The following SYNE2 variants were observed in gnomAD, a reference collection of about 807,000 sequenced individuals.
The protein encoded by SYNE2 is spectrin repeat containing nuclear envelope protein 2.
SYNE2 carries 431 observed loss-of-function variants against 856.3 expected under a neutral mutation model. The observed-to-expected ratio is 0.50, with a 90% CI of 0.47 to 0.55. SYNE2 has a LOEUF of 0.55. Among genes scored for constraint, SYNE2 ranks in the 20% least tolerant of loss-of-function variants. The pLI, the probability that SYNE2 is intolerant of heterozygous loss-of-function variation, is 0.00. For missense variants in SYNE2, 8,129 were observed against 8,023.2 expected (o/e 1.01, Z -0.50); for synonymous variants, 2,923 against 2,872.3 (o/e 1.02, Z -0.56).
At position 64,002,786 on chromosome 14, in the gene SYNE2, G is replaced by A. The variant is rs773830239; in HGVS notation, c.3853G>A (p.Val1285Ile). 6.3e-7 allele frequency: 1 copy of A among 1,598,620 alleles called. No individual in the cohort carries two copies. The highest frequency in any genetic ancestry group is 1.1e-5 in the South Asian group (1 of 90,368). Reference sequence around the variant, plus strand: ...CCGCTTAGAAGAGCCAGGCAACTTTGTATTAAAGGAGTTACACCCATTTGA... The same window carrying A: ...CCGCTTAGAAGAGCCAGGCAACTTTATATTAAAGGAGTTACACCCATTTGA... ...CNRLEEPGNF[V>I]LKELHPFDLH... The change falls in exon 30 of 116, where the codon GTA becomes ATA. Residue 1285 changes from valine to isoleucine, a missense_variant. Physicochemically the swap from Val to Ile is conservative, Grantham distance 29. This residue lies in a region of SYNE2 where 2,422 missense variants were observed against 2,357.4 expected (regional missense o/e 1.03). Coordinates refer to ENST00000555002, the MANE Select transcript of SYNE2 (RefSeq NM_182914.3).
chr14:64,031,197 A>T lies in SYNE2; in HGVS notation c.7061A>T (p.Glu2354Val). Residue 2354 changes from glutamate to valine, a missense_variant, in exon 45 of 116, where the codon GAA becomes GTA. Glu to Val is a moderately radical substitution (Grantham distance 121). Transcript: ENST00000555002. ...NRLASAKQEM[E>V]CCLNSILKSK... ...CTTGCATCTGCTAAGCAGGAGATGG[A>T]ATGTTGTCTCAACAGCATTCTCAAA... is the stretch of plus-strand genomic sequence containing the variant. 1 of 1,614,232 alleles carries T rather than the reference A, an allele frequency of 6.2e-7. No individual in the cohort carries two copies. Among genetic ancestry groups the T allele is most frequent in the Non-Finnish European group, 8.5e-7 (1 of 1,180,040 alleles).
intron 1 of SYNE2, among the ~76,000 whole-genome samples, chr14:63,796,633 C>T (rs1411169808): frequency 6.6e-6 from 1 of 151,690 alleles, no homozygotes; most frequent in Admixed American, 6.6e-5. Flanking sequence ...CTTCTAGACA[C>T]AAATAAGGAA....
chr14:64,142,236 A>T, intron 82 of SYNE2, 148 bp downstream of exon 82: 1 of 934,460 alleles, frequency 1.1e-6, no homozygotes, highest in South Asian at 1.5e-5. Context: ...TTCTGGAGAG[A>T]TGTTAGTAGA....
In SYNE2 at chr14:64,098,122, A is replaced by G. The variant is rs1448274801; in HGVS notation, c.12282A>G (p.Ala4094=). ...TAACATCAGAGGAAGGTGGAGTGGC[A>G]GAGAGGGATGCTTCTGAGCGGAAGG... ...PAVTSEEGGV[A]ERDASERKLN... Residue 4094 remains alanine (A), a synonymous_variant, in exon 62 of 116, where the codon GCA becomes GCG. Coordinates refer to ENST00000555002, the MANE Select transcript of SYNE2 (RefSeq NM_182914.3). The G allele has an allele frequency of 6.2e-7, 1 of 1,614,120 alleles. No homozygotes were observed. Among genetic ancestry groups the G allele is most frequent in the South Asian group, 1.1e-5 (1 of 91,082 alleles).
At chr14:63,894,148 A>T (rs2140985512) in intron 1 of SYNE2, among the ~76,000 whole-genome samples, 1 of 152,038 alleles carries the variant, frequency 6.6e-6, no homozygotes, top group Non-Finnish European at 1.5e-5. Context: ...AGCTTTTTGA[A>T]GATGCATGTG....
At chr14:63,899,457 C>T (rs1259997139) in intron 1 of SYNE2, among the ~76,000 whole-genome samples, 7 of 152,200 alleles carry the variant, frequency 4.6e-5, no homozygotes, top group African/African-American at 9.6e-5. Flanking sequence ...CTGCCTTGGC[C>T]TCCCAAAGTG....
intron 1 of SYNE2, among the ~76,000 whole-genome samples, chr14:63,828,660 G>A (rs978969298): frequency 2.0e-5 from 3 of 152,038 alleles, no homozygotes; most frequent in African/African-American, 7.3e-5. Flanking sequence ...GAACTTGGGA[G>A]GCAGAGGTTG....
chr14:64,186,159 A>T (rs576048431), intron 96 of SYNE2, among the ~76,000 whole-genome samples: 140 of 152,356 alleles, frequency 9.2e-4, no homozygotes, highest in Admixed American at 1.6e-3. Context: ...TGACTTTAAA[A>T]TAGAATAAAT....
chr14:63,880,795 C>A (rs1489770544), intron 1 of SYNE2, among the ~76,000 whole-genome samples: 2 of 151,162 alleles, frequency 1.3e-5, no homozygotes, highest in African/African-American at 4.9e-5. Context: ...GGCTAAGCTT[C>A]CCAAGTAGTT....
At position 64,219,428 on chromosome 14, in the gene SYNE2, T is replaced by G; in HGVS notation, c.19860+18T>G. ...GACTGCAGGTGAGTTAGAGGTGTGG[T>G]GGGGAAGAGGGATTCAGAATGTGCA... On this transcript the variant is annotated intron_variant, in intron 110 of 115. Coordinates refer to ENST00000555002, the MANE Select transcript of SYNE2 (RefSeq NM_182914.3). The G allele has an allele frequency of 1.2e-6, 2 of 1,612,356 alleles. No individual in the cohort carries two copies. Among genetic ancestry groups the G allele is most frequent in the Non-Finnish European group, 1.7e-6 (2 of 1,178,618 alleles).
chr14:64,066,617 CCTGGTGAGGCCTGA>C (rs1309787325), intron 51 of SYNE2, among the ~76,000 whole-genome samples: 1 of 152,178 alleles, frequency 6.6e-6, no homozygotes, highest in Non-Finnish European at 1.5e-5. Context: ...TGTCAGTGGT[CCTGGTGAGGCCTGA>C]CTAGTGAATA....
chr14:64,138,382 C>G (rs2098113140), intron 79 of SYNE2, among the ~76,000 whole-genome samples: 1 of 152,010 alleles, frequency 6.6e-6, no homozygotes, highest in African/African-American at 2.4e-5. Context: ...CAGGCATAGG[C>G]CACCGTGCAT....
intron 1 of SYNE2, among the ~76,000 whole-genome samples, chr14:63,803,391 A>C (rs1420962763): frequency 1.3e-5 from 2 of 152,220 alleles, no homozygotes; most frequent in African/African-American, 4.8e-5. Flanking sequence ...GGCGGGCTGC[A>C]GGTCCCGAGC....
chr14:63,818,038 A>AAAAC (rs1889068256), intron 1 of SYNE2, among the ~76,000 whole-genome samples: 1 of 148,676 alleles, frequency 6.7e-6, no homozygotes, highest in Non-Finnish European at 1.5e-5. Flanking sequence ...AAAAAAAAAA[A>AAAAC]AAAAAAAACA....
At chr14:64,129,481 T>G (rs1008706479) in intron 74 of SYNE2, among the ~76,000 whole-genome samples, 2 of 152,314 alleles carry the variant, frequency 1.3e-5, no homozygotes, top group Non-Finnish European at 2.9e-5. Context: ...GATATGTGTA[T>G]ACCAATGTGA....
intron 61 of SYNE2, 57 bp from the exon 62 acceptor site, chr14:64,097,892 C>A: frequency 1.3e-6 from 2 of 1,562,008 alleles, no homozygotes; most frequent in South Asian, 2.2e-5. Context: ...GCAGGCTGCT[C>A]TGGGCCTGCA....
At chr14:64,133,592 G>A (rs2098049273) in intron 77 of SYNE2, among the ~76,000 whole-genome samples, 1 of 152,176 alleles carries the variant, frequency 6.6e-6, no homozygotes, top group Non-Finnish European at 1.5e-5. Context: ...AAGACACCTT[G>A]AGCAGACCTA....
At chr14:63,863,638 A>G (rs1447761137) in intron 1 of SYNE2, among the ~76,000 whole-genome samples, 1 of 152,154 alleles carries the variant, frequency 6.6e-6, no homozygotes, top group African/African-American at 2.4e-5. Flanking sequence ...AGCTGTTACT[A>G]TAGTATAATG....
intron 100 of SYNE2, among the ~76,000 whole-genome samples, chr14:64,203,585 A>G (rs2098589413): frequency 6.6e-6 from 1 of 152,138 alleles, no homozygotes; most frequent in Non-Finnish European, 1.5e-5. Flanking sequence ...GGTTTATCGA[A>G]TCCACTTTCC....
Sources: allele counts gnomAD v4.1 joint callset (sites outside exome capture counted in the v4.1 genomes callset), GRCh38; gene constraint gnomAD v4.1.1; regional missense constraint gnomAD v4.1.1; transcripts MANE v1.5; gene names NCBI Gene and HGNC (gene_info 2026-07-23, HGNC 2026-07-21).